Variants in RGPD3 observed in about 807,000 individuals in gnomAD.
RGPD3 encodes the protein ranBP2-like and GRIP domain-containing protein 3.
A neutral mutation model predicts 154.5 loss-of-function variants in RGPD3; 62 were observed. That is an observed-to-expected ratio of 0.40 (90% confidence interval 0.33 to 0.50). The LOEUF is 0.50. Among genes scored for constraint, RGPD3 ranks in the 20% least tolerant of loss-of-function variants. The pLI, the probability that RGPD3 is intolerant of heterozygous loss-of-function variation, is 0.59. For synonymous variants in RGPD3, 308 were observed against 607.0 expected, an observed-to-expected ratio of 0.51 and a Z score of 7.24; for missense variants, 919 against 1,716.8, an observed-to-expected ratio of 0.54 and a Z score of 8.21.
At chr2:106,445,025 G>C (rs1371445190) in intron 7 of RGPD3, among the ~76,000 whole-genome samples, 9 of 135,436 alleles carry the variant, frequency 6.6e-5, no homozygotes, top group Non-Finnish European at 1.4e-4. Context: ...GGCAGGGCGC[G>C]GTGGCTCACG....
intron 7 of RGPD3, among the ~76,000 whole-genome samples, chr2:106,442,497 G>GGGA (rs564472039): frequency 1.0e-5 from 1 of 99,202 alleles, no homozygotes; most frequent in African/African-American, 3.9e-5. Flanking sequence ...AATAACCTAT[G>GGGA]AAAAAAAAAA....
rs929668160 is a variant in RGPD3, at chr2:106,423,875, G to A, written c.4092C>T (p.Phe1364=). ...EQVVFSHRAE[F]YRYDKDVGQW... is the part of the protein sequence containing the mutation. ...GACCAACATCTTTATCATATCTGTA[G>A]AATTCTGCCCTGTGACTAAAAACAA... The change falls in exon 20 of 23, where the codon TTC becomes TTT. Residue 1364 remains phenylalanine (F), a synonymous_variant. Coordinates refer to ENST00000409886, the MANE Select transcript of RGPD3 (RefSeq NM_001144013.2). 5.0e-6 allele frequency: 8 copies of A among 1,611,724 alleles called. No individual in the cohort carries two copies. Among genetic ancestry groups the A allele is most frequent in the Non-Finnish European group, 6.8e-6 (8 of 1,179,866 alleles).
Position 106,409,876 on chromosome 2 carries a change from T to A in RGPD3, c.5266+3208A>T, listed in dbSNP as rs57968219. Among the ~76,000 whole-genome samples the A allele has an allele frequency of 5.4e-3, 800 of 147,002 alleles. 13 individuals carry two copies. The highest frequency in any genetic ancestry group is 0.018 in the African/African-American group (731 of 40,286). On this transcript the variant is annotated intron_variant, in intron 22 of 22. Transcript: ENST00000409886. Reference sequence around the variant, plus strand: ...TTGAACTATCTTGTAGTTTACTTTTTTTTTTTTTTTTTTTTGAGATAAGAG... The same window carrying A: ...TTGAACTATCTTGTAGTTTACTTTTATTTTTTTTTTTTTTTGAGATAAGAG...
At chr2:106,467,793 C>A (rs1181438301) in intron 1 of RGPD3, among the ~76,000 whole-genome samples, 14 of 135,942 alleles carry the variant, frequency 1.0e-4, no homozygotes, top group East Asian at 2.1e-4. Flanking sequence ...AGGCAGCCGC[C>A]GGGCCAGGTC....
At chr2:106,462,789 A>G (rs1394092540) in intron 1 of RGPD3, among the ~76,000 whole-genome samples, 1 of 151,664 alleles carries the variant, frequency 6.6e-6, no homozygotes, top group African/African-American at 2.4e-5. Flanking sequence ...GCTGTTCTCA[A>G]CAAACCCATC....
intron 21 of RGPD3, among the ~76,000 whole-genome samples, chr2:106,415,632 G>A (rs1401476540): frequency 7.7e-6 from 1 of 130,060 alleles, no homozygotes; most frequent in African/African-American, 3.0e-5. Flanking sequence ...AGCCGGGATC[G>A]TGCCACTGCA....
At position 106,468,250 on chromosome 2, in the gene RGPD3, G is replaced by A. The variant is rs374681638; in HGVS notation, c.39C>T (p.Ala13=). ...GCGACGGGGCGGAGCCCTGCACCGA[G>A]GCGACGTACCGCTCCCCGTAGGCCT... ...CSKAYGERYV[A]SVQGSAPSPR... Residue 13 remains alanine, a synonymous_variant, in exon 1 of 23, where the codon GCC becomes GCT. Transcript: ENST00000409886. 10 of 1,608,050 alleles carry A rather than the reference G, an allele frequency of 6.2e-6. No homozygotes were observed. The highest frequency in any genetic ancestry group is 1.7e-5 in the Admixed American group (1 of 59,546).
chr2:106,437,760 T>C lies in RGPD3; in HGVS notation c.1277-906A>G, dbSNP rs567496114. 1.1e-3 allele frequency among the ~76,000 whole-genome samples: 170 copies of C among 151,938 alleles called. 1 individual carries two copies. Among genetic ancestry groups the C allele is most frequent in the African/African-American group, 3.6e-3 (150 of 41,464 alleles). On this transcript the variant is annotated intron_variant, in intron 9 of 22. Coordinates refer to ENST00000409886, the MANE Select transcript of RGPD3 (RefSeq NM_001144013.2). ...AACTTGGATGCCCAATAACAGAAAG[T>C]AGCAAGCAAATTATGACTACTTCAT... is the stretch of plus-strand genomic sequence containing the variant.
intron 17 of RGPD3, among the ~76,000 whole-genome samples, chr2:106,431,663 C>T (rs1456290835): frequency 6.6e-6 from 1 of 151,322 alleles, no homozygotes; most frequent in African/African-American, 2.4e-5. Flanking sequence ...ATGTCTTCCC[C>T]ACCAAATAGT....
intron 19 of RGPD3, among the ~76,000 whole-genome samples, 151 bp from the exon 20 acceptor site, chr2:106,425,417 G>A (rs375979403): frequency 3.3e-5 from 5 of 150,742 alleles, no homozygotes; most frequent in Non-Finnish European, 7.4e-5. Flanking sequence ...ATTTATTAAT[G>A]TGCCAGCTGG....
chr2:106,457,093 C>G lies in RGPD3; in HGVS notation c.283G>C (p.Asp95His). The G allele has an allele frequency of 1.2e-6, 2 of 1,611,314 alleles. No individual in the cohort carries two copies. The highest frequency in any genetic ancestry group is 2.2e-5 in the South Asian group (2 of 90,790). The change falls in exon 4 of 23, where the codon GAT becomes CAT. Residue 95 changes from aspartate (D) to histidine (H), a missense_variant. Physicochemically the swap from Asp to His is moderately conservative, Grantham distance 81 (BLOSUM62 -1). Transcript: ENST00000409886. ...AATTCTGCAATCTTCAACACAAGAT[C>G]TTTTTGTGTTGGGTTTAATTCCACT... ...RSVELNPTQK[D>H]LVLKIAELLC...
chr2:106,445,253 T>C (rs1453352273), intron 7 of RGPD3, among the ~76,000 whole-genome samples: 1 of 147,444 alleles, frequency 6.8e-6, no homozygotes, highest in Non-Finnish European at 1.5e-5. Context: ...CGTGCCACTG[T>C]GCTCCAGCCT....
In RGPD3 at chr2:106,413,181, C is replaced by T. The variant is rs1300564120; in HGVS notation, c.5169G>A (p.Leu1723=). Residue 1723 remains leucine (L), a synonymous_variant, in exon 22 of 23, where the codon TTG becomes TTA. Coordinates refer to ENST00000409886, the MANE Select transcript of RGPD3 (RefSeq NM_001144013.2). ...GTCTCTCTCTTTCACTACCTGGCTTCAAGAAAATGAACTGCAGCAAGACGT... is the reference window on the plus strand; with the variant it reads ...GTCTCTCTCTTTCACTACCTGGCTTTAAGAAAATGAACTGCAGCAAGACGT... ...LKNVLLQFIF[L]KPGSERERLL... The T allele has an allele frequency of 1.9e-6, 3 of 1,611,832 alleles. No homozygotes were observed. Among genetic ancestry groups the T allele is most frequent in the East Asian group, 4.5e-5 (2 of 44,884 alleles).
chr2:106,468,937 CT>C (rs1421484679), upstream of RGPD3, among the ~76,000 whole-genome samples: 1 of 143,474 alleles, frequency 7.0e-6, no homozygotes, highest in African/African-American at 2.6e-5. Context: ...GGTATTTCCC[CT>C]ATAGGCAATT....
rs1677128373 is a variant in RGPD3 at position 106,424,679 on chromosome 2, T to C, written c.3288A>G (p.Val1096=). The stretch of plus-strand genomic sequence containing the variant: ...CTTGTTCTCTTTGCATCAGCATTCT[T>C]ACTTTGCCATTGACCTCGTTTTTGA... ...KILKNEVNGK[V]RMLMQREQVL... is the part of the protein sequence containing the mutation. The change falls in exon 20 of 23, where the codon GTA becomes GTG. Residue 1096 remains valine, a synonymous_variant. Coordinates refer to ENST00000409886, the MANE Select transcript of RGPD3 (RefSeq NM_001144013.2). 1.2e-6 allele frequency: 2 copies of C among 1,612,010 alleles called. No homozygotes were observed. Among genetic ancestry groups the C allele is most frequent in the Non-Finnish European group, 8.5e-7 (1 of 1,179,842 alleles).
chr2:106,421,415 G>A (rs1676982397), intron 20 of RGPD3, among the ~76,000 whole-genome samples: 1 of 151,700 alleles, frequency 6.6e-6, no homozygotes, highest in Non-Finnish European at 1.5e-5. Context: ...AAGATTAAGA[G>A]CTACCTTAGC....
intron 20 of RGPD3, among the ~76,000 whole-genome samples, chr2:106,417,852 G>A (rs1031908476): frequency 2.6e-5 from 4 of 151,014 alleles, no homozygotes; most frequent in Non-Finnish European, 4.4e-5. Flanking sequence ...CATCAAGGCC[G>A]GGCGTGGTGG....
chr2:106,406,870 A>T (rs1270929257), intron 22 of RGPD3, among the ~76,000 whole-genome samples: 1 of 152,302 alleles, frequency 6.6e-6, no homozygotes, highest in Non-Finnish European at 1.5e-5. Context: ...AAACTTTTAC[A>T]TGGGGAAATT....
At chr2:106,470,119 A>T (rs1003881625), upstream of RGPD3, among the ~76,000 whole-genome samples, 2 of 152,212 alleles carry the variant, frequency 1.3e-5, no homozygotes, top group African/African-American at 4.8e-5. Flanking sequence ...AATACTAATA[A>T]AGCACTGAGA....
Sources: gnomAD v4.1 joint callset for allele counts (sites outside exome capture counted in the v4.1 genomes callset) on GRCh38, gnomAD v4.1.1 for gene constraint, MANE v1.5 for transcripts, NCBI Gene and HGNC (gene_info 2026-07-23, HGNC 2026-07-21) for gene names.